Variants in TRAM2 observed in about 807,000 individuals in gnomAD.
The protein encoded by TRAM2 is translocation associated membrane protein 2.
A neutral mutation model predicts 51.0 loss-of-function variants in TRAM2; 12 were observed. That is an observed-to-expected ratio of 0.24 (90% CI 0.15 to 0.38). The LOEUF is 0.38. Among genes scored for constraint, TRAM2 ranks in the 10% least tolerant of loss-of-function variants. The pLI, the probability that TRAM2 is intolerant of heterozygous loss-of-function variation, is 1.00. For synonymous variants in TRAM2, 175 were observed against 179.4 expected, an observed-to-expected ratio of 0.98 and a Z score of 0.20; for missense variants, 361 against 462.0, an observed-to-expected ratio of 0.78 and a Z score of 2.00.
chr6:52,504,806 G>T (rs754410735), intron 9 of TRAM2, 52 bp from the exon 10 acceptor site: 5 of 1,530,864 alleles, frequency 3.3e-6, no homozygotes, highest in Middle Eastern at 2.3e-4. Flanking sequence ...TCACAGCCTT[G>T]GGCTGGGTTG....
rs768217989 is a variant in TRAM2, at chr6:52,535,767, G to A, written c.184+16C>T. Reference sequence around the variant, plus strand: ...GTTAACAGGGCCAGGAGAAGATGGAGACCAGTGATTCTTACCTGCTGTAGG... The same window carrying A: ...GTTAACAGGGCCAGGAGAAGATGGAAACCAGTGATTCTTACCTGCTGTAGG... On this transcript the variant is annotated intron_variant, in intron 2 of 10. Coordinates refer to ENST00000182527, the MANE Select transcript of TRAM2 (RefSeq NM_012288.4). 1.2e-6 allele frequency: 2 copies of A among 1,607,756 alleles called. No homozygotes were observed. Among genetic ancestry groups the A allele is most frequent in the South Asian group, 2.2e-5 (2 of 90,852 alleles).
At chr6:52,547,757 G>A (rs1454461721) in intron 1 of TRAM2, among the ~76,000 whole-genome samples, 1 of 152,216 alleles carries the variant, frequency 6.6e-6, no homozygotes, top group African/African-American at 2.4e-5. Context: ...GGAGGGCCAC[G>A]GGAGGCCTCC....
chr6:52,550,970 C>T (rs1033429039), intron 1 of TRAM2, among the ~76,000 whole-genome samples: 10 of 152,170 alleles, frequency 6.6e-5, no homozygotes, highest in Admixed American at 2.0e-4. Flanking sequence ...TCTTTATGGG[C>T]CATCTAATTT....
intron 1 of TRAM2, among the ~76,000 whole-genome samples, chr6:52,547,300 C>T (rs1318188587): frequency 6.6e-6 from 1 of 152,156 alleles, no homozygotes; most frequent in East Asian, 1.9e-4. Flanking sequence ...GGTATTTCTT[C>T]AGGAACTGAG....
chr6:52,528,194 G>A (rs141792228), intron 2 of TRAM2, among the ~76,000 whole-genome samples: 43 of 152,158 alleles, frequency 2.8e-4, no homozygotes, highest in Middle Eastern at 3.4e-3. Flanking sequence ...CTTGGCTCTC[G>A]CTGGTGCATC....
chr6:52,558,963 G>C (rs1003128526), intron 1 of TRAM2, among the ~76,000 whole-genome samples: 20 of 146,434 alleles, frequency 1.4e-4, no homozygotes, highest in Non-Finnish European at 3.1e-4. Context: ...TTTATTAACA[G>C]AGAGAGAGAG....
intron 4 of TRAM2, among the ~76,000 whole-genome samples, chr6:52,514,662 G>C (rs1008940699): frequency 6.6e-6 from 1 of 152,224 alleles, no homozygotes; most frequent in Non-Finnish European, 1.5e-5. Flanking sequence ...GTCACAGCTG[G>C]GGTGGAATGT....
chr6:52,568,714 A>T (rs984686052), intron 1 of TRAM2, among the ~76,000 whole-genome samples: 3 of 152,236 alleles, frequency 2.0e-5, no homozygotes, highest in South Asian at 2.1e-4. Flanking sequence ...AGACGTCTTC[A>T]TAACAGTGCT....
intron 5 of TRAM2, among the ~76,000 whole-genome samples, chr6:52,509,062 G>C (rs898231451): frequency 1.3e-5 from 2 of 152,166 alleles, no homozygotes; most frequent in African/African-American, 4.8e-5. Context: ...CAAAGATCTC[G>C]GGAAAGGCAA....
chr6:52,522,876 C>T (rs1346641729), intron 2 of TRAM2: 3 of 702,112 alleles, frequency 4.3e-6, no homozygotes, highest in African/African-American at 1.7e-5. Context: ...TTCCTGTTTC[C>T]TTCTGAGGTC....
At chr6:52,537,198 C>A (rs1418361574) in intron 1 of TRAM2, among the ~76,000 whole-genome samples, 1 of 152,318 alleles carries the variant, frequency 6.6e-6, no homozygotes, top group South Asian at 2.1e-4. Flanking sequence ...TTAGACATGT[C>A]CTATCAGGCT....
At chr6:52,531,210 C>T (rs1285661760) in intron 2 of TRAM2, among the ~76,000 whole-genome samples, 1 of 146,946 alleles carries the variant, frequency 6.8e-6, no homozygotes, top group East Asian at 2.1e-4. Flanking sequence ...ACAACCTTAA[C>T]AGACTTGTTA....
chr6:52,505,747 T>C lies in TRAM2; in HGVS notation c.732-5A>G. The C allele has an allele frequency of 6.2e-7, 1 of 1,601,716 alleles. No individual in the cohort carries two copies. Among genetic ancestry groups the C allele is most frequent in the Non-Finnish European group, 8.5e-7 (1 of 1,173,562 alleles). On this transcript the variant is annotated splice_region_variant and splice_polypyrimidine_tract_variant and intron_variant, in intron 8 of 10. Transcript: ENST00000182527. ...ACAGCAGCCCAGGCACTGAACCTGCTCACAGAGGCAGAAGAGGGATGTCAG... is the reference window on the plus strand; with the variant it reads ...ACAGCAGCCCAGGCACTGAACCTGCCCACAGAGGCAGAAGAGGGATGTCAG...
At chr6:52,558,446 G>A (rs1261596544) in intron 1 of TRAM2, among the ~76,000 whole-genome samples, 1 of 152,196 alleles carries the variant, frequency 6.6e-6, no homozygotes, top group East Asian at 1.9e-4. Flanking sequence ...CTCAATAACT[G>A]TGGAATGAAC....
intron 1 of TRAM2, among the ~76,000 whole-genome samples, chr6:52,536,063 G>C (rs956461304): frequency 2.6e-5 from 4 of 152,156 alleles, no homozygotes; most frequent in African/African-American, 9.7e-5. Flanking sequence ...ATCTAGACTG[G>C]TACTCACTGC....
intron 1 of TRAM2, 95 bp from the exon 2 acceptor site, chr6:52,535,941 C>T: frequency 9.9e-7 from 1 of 1,007,272 alleles, no homozygotes; most frequent in Non-Finnish European, 1.5e-6. Flanking sequence ...ATCTTAGACC[C>T]TCAAACCTCT....
In TRAM2 at chr6:52,577,060, C is replaced by T; in HGVS notation, c.-145G>A. 1.0e-6 allele frequency: 1 copy of T among 1,003,906 alleles called. No homozygotes were observed. Among genetic ancestry groups the T allele is most frequent in the Non-Finnish European group, 1.2e-6 (1 of 805,200 alleles). The allele number at this position is 1,003,906 out of a possible 1,614,324, so 62.2% of individuals were successfully genotyped here. On this transcript the variant is annotated 5_prime_UTR_variant, in exon 1 of 11. Transcript: ENST00000182527. ...TCGCCCGCCCAGCGCGGAACAACTTCGGGGCCCGCCCCCTTCCTCCGCCCG... is the reference window on the plus strand; with the variant it reads ...TCGCCCGCCCAGCGCGGAACAACTTTGGGGCCCGCCCCCTTCCTCCGCCCG...
chr6:52,565,996 A>T (rs1767584379), intron 1 of TRAM2, among the ~76,000 whole-genome samples: 2 of 152,234 alleles, frequency 1.3e-5, no homozygotes, highest in Non-Finnish European at 2.9e-5. Context: ...ACAAAACAAA[A>T]GATAGAGGGA....
chr6:52,534,769 T>G (rs1281151288), intron 2 of TRAM2, among the ~76,000 whole-genome samples: 1 of 152,182 alleles, frequency 6.6e-6, no homozygotes, highest in African/African-American at 2.4e-5. Context: ...TGGCTGGAAG[T>G]GAGCAGCAGC....
Sources: allele counts gnomAD v4.1 joint callset (sites outside exome capture counted in the v4.1 genomes callset), GRCh38; gene constraint gnomAD v4.1.1; transcripts MANE v1.5; gene names NCBI Gene and HGNC (gene_info 2026-07-23, HGNC 2026-07-21).